XKR9: variants seen among roughly 807,000 people sequenced by gnomAD.
The protein encoded by XKR9 is XK related 9.
XKR9 carries 32 observed loss-of-function variants against 32.0 expected under a neutral mutation model. The ratio of observed to expected loss-of-function variants is 1.00; its 90% CI spans 0.76 to 1.34. XKR9 has a LOEUF of 1.34. XKR9 is among the 40% of genes most tolerant of loss of function. The pLI is 0.00. For missense variants in XKR9, 546 were observed against 429.7 expected (o/e 1.27, Z -2.39); for synonymous variants, 168 against 143.4 (o/e 1.17, Z -1.22).
the XKR9 span, among the ~76,000 whole-genome samples, chr8:70,795,426 A>C: frequency 6.6e-6 from 1 of 152,186 alleles, no homozygotes; most frequent in African/African-American, 2.4e-5. Context: ...ATCATGCCAC[A>C]ATGAACATAT....
chr8:70,848,633 GAC>G, the XKR9 span, among the ~76,000 whole-genome samples: 1 of 151,836 alleles, frequency 6.6e-6, no homozygotes, highest in Non-Finnish European at 1.5e-5. Context: ...CCAATTAAAA[GAC>G]ACAGACTGGC....
the XKR9 span, among the ~76,000 whole-genome samples, chr8:70,855,751 G>A: frequency 6.6e-6 from 1 of 152,228 alleles, no homozygotes; most frequent in African/African-American, 2.4e-5. Flanking sequence ...CCCACAAAGG[G>A]AAGCCCATCA....
the XKR9 span, among the ~76,000 whole-genome samples, chr8:71,003,849 T>C: frequency 0.032 from 4,844 of 152,270 alleles, 254 homozygotes; most frequent in African/African-American, 0.11. Flanking sequence ...AGAAGTAATG[T>C]CCTCAGGAGT....
chr8:70,758,997 C>T (rs1807268355), intron 2 of XKR9, among the ~76,000 whole-genome samples: 1 of 152,132 alleles, frequency 6.6e-6, no homozygotes, highest in South Asian at 2.1e-4. Context: ...GGGAGGGATC[C>T]TTCAATAAAA....
chr8:70,771,277 G>T (rs1807450275), intron 2 of XKR9, among the ~76,000 whole-genome samples: 1 of 152,134 alleles, frequency 6.6e-6, no homozygotes, highest in Non-Finnish European at 1.5e-5. Flanking sequence ...GATGAACCTG[G>T]TACCTCAGTT....
the XKR9 span, among the ~76,000 whole-genome samples, chr8:70,886,513 A>G: frequency 6.6e-6 from 1 of 152,368 alleles, no homozygotes; most frequent in East Asian, 1.9e-4. Flanking sequence ...CCAACAGTGT[A>G]AAAGAGTTCC....
At chr8:70,958,001 T>C in the XKR9 span, among the ~76,000 whole-genome samples, 1 of 152,090 alleles carries the variant, frequency 6.6e-6, no homozygotes. Flanking sequence ...TTGGCCAGGC[T>C]GGTCTTAAAC....
intron 3 of XKR9, among the ~76,000 whole-genome samples, chr8:70,701,277 G>A (rs1331997169): frequency 2.6e-5 from 4 of 152,286 alleles, no homozygotes; most frequent in South Asian, 2.1e-4. Flanking sequence ...CATCTTCTGC[G>A]TCACTCACGC....
the XKR9 span, among the ~76,000 whole-genome samples, chr8:70,862,307 T>G: frequency 2.0e-5 from 3 of 152,286 alleles, no homozygotes; most frequent in South Asian, 6.2e-4. Context: ...CCACATAGTC[T>G]CTTATAAGTC....
chr8:70,689,913 G>A (rs930795712), intron 3 of XKR9, among the ~76,000 whole-genome samples: 4 of 152,032 alleles, frequency 2.6e-5, no homozygotes, highest in South Asian at 2.1e-4. Flanking sequence ...ATGGGGGAGG[G>A]TAAAAGCTGG....
chr8:70,823,493 C>T, the XKR9 span, among the ~76,000 whole-genome samples: 1 of 152,192 alleles, frequency 6.6e-6, no homozygotes, highest in African/African-American at 2.4e-5. Flanking sequence ...TATATTGCTG[C>T]TCTGAGATAC....
the XKR9 span, among the ~76,000 whole-genome samples, chr8:70,838,958 C>T: frequency 6.7e-6 from 1 of 149,924 alleles, no homozygotes; most frequent in South Asian, 2.1e-4. Flanking sequence ...TTTTAACCTT[C>T]GCTTATCCAT....
the XKR9 span, among the ~76,000 whole-genome samples, chr8:70,811,958 G>T: frequency 1.6e-4 from 25 of 151,974 alleles, no homozygotes; most frequent in East Asian, 7.7e-4. Flanking sequence ...AGCATCATCC[G>T]GATACCAAAG....
chr8:70,807,231 A>G, the XKR9 span, among the ~76,000 whole-genome samples: 2 of 152,190 alleles, frequency 1.3e-5, no homozygotes, highest in African/African-American at 4.8e-5. Flanking sequence ...TTTCATTACT[A>G]CCAGGCCTGC....
At chr8:71,031,518 G>A in the XKR9 span, among the ~76,000 whole-genome samples, 9,782 of 152,218 alleles carry the variant, frequency 0.064, 458 homozygotes, top group Non-Finnish European at 0.094. Flanking sequence ...AAATGGTGAG[G>A]ATAACTCATA....
chr8:70,833,308 A>G, the XKR9 span, among the ~76,000 whole-genome samples: 2 of 152,198 alleles, frequency 1.3e-5, no homozygotes, highest in South Asian at 4.1e-4. Flanking sequence ...TGAATGAACA[A>G]ATAACAAAAT....
chr8:71,037,888 T>C, the XKR9 span, among the ~76,000 whole-genome samples: 1,870 of 152,284 alleles, frequency 0.012, 39 homozygotes, highest in African/African-American at 0.042. Flanking sequence ...TTTGTCTCCT[T>C]ATATGGGTAA....
chr8:70,859,840 G>A, the XKR9 span, among the ~76,000 whole-genome samples: 1 of 152,128 alleles, frequency 6.6e-6, no homozygotes, highest in Non-Finnish European at 1.5e-5. Context: ...GGAAGGATGT[G>A]TGTGTTGTGG....
the XKR9 span, among the ~76,000 whole-genome samples, chr8:70,971,085 A>T: frequency 6.6e-6 from 1 of 152,222 alleles, no homozygotes; most frequent in Non-Finnish European, 1.5e-5. Flanking sequence ...TTACATTCCA[A>T]CCAACAGTGT....
Sources: allele counts gnomAD v4.1 joint callset (sites outside exome capture counted in the v4.1 genomes callset), GRCh38; gene constraint gnomAD v4.1.1; transcripts MANE v1.5; gene names NCBI Gene and HGNC (gene_info 2026-07-23, HGNC 2026-07-21).